CCDC178: variants seen among roughly 807,000 people sequenced by gnomAD.
CCDC178 encodes the protein coiled-coil domain containing 178.
CCDC178 carries 126 observed loss-of-function variants against 117.4 expected under a neutral mutation model. That is an observed-to-expected ratio of 1.07 (90% CI 0.93 to 1.24). The LOEUF (loss-of-function observed/expected upper bound fraction) is 1.24. CCDC178 is among the 50% of genes most tolerant of loss of function. The pLI is 0.00. For missense variants in CCDC178, 1,030 were observed against 986.9 expected, an observed-to-expected ratio of 1.04 and a Z score of -0.59; for synonymous variants, 283 against 313.4, an observed-to-expected ratio of 0.90 and a Z score of 1.02.
intron 20 of CCDC178, among the ~76,000 whole-genome samples, chr18:33,193,936 T>A (rs188357953): frequency 2.2e-4 from 33 of 152,278 alleles, no homozygotes; most frequent in Non-Finnish European, 3.7e-4. Flanking sequence ...CACTTGTGTG[T>A]CTGCATCATC....
chr18:33,047,688 A>G (rs1203839448), intron 21 of CCDC178, among the ~76,000 whole-genome samples: 1 of 152,210 alleles, frequency 6.6e-6, no homozygotes, highest in Non-Finnish European at 1.5e-5. Context: ...TATACACTAA[A>G]CAGCAAAGAA....
At chr18:32,999,006 A>G (rs750106317) in intron 21 of CCDC178, among the ~76,000 whole-genome samples, 69 of 152,234 alleles carry the variant, frequency 4.5e-4, no homozygotes, top group Non-Finnish European at 9.1e-4. Context: ...TCTTGGCCAC[A>G]GTAGAGTAGA....
At chr18:33,281,015 A>G (rs2060018722) in intron 12 of CCDC178, among the ~76,000 whole-genome samples, 1 of 152,068 alleles carries the variant, frequency 6.6e-6, no homozygotes, top group Admixed American at 6.5e-5. Context: ...TGACCAGTTA[A>G]TGGGTGCAGC....
intron 9 of CCDC178, among the ~76,000 whole-genome samples, chr18:33,340,535 A>G (rs780839129): frequency 6.6e-6 from 1 of 152,130 alleles, no homozygotes; most frequent in African/African-American, 2.4e-5. Flanking sequence ...TTCATGGCAG[A>G]CCCTCCCATC....
At chr18:33,344,664 CA>C (rs2062863264) in intron 9 of CCDC178, among the ~76,000 whole-genome samples, 1 of 152,010 alleles carries the variant, frequency 6.6e-6, no homozygotes, top group South Asian at 2.1e-4. Context: ...CTACTACTAA[CA>C]GGGAAGAACC....
intron 20 of CCDC178, among the ~76,000 whole-genome samples, chr18:33,206,816 C>G (rs1255685062): frequency 1.3e-5 from 2 of 152,130 alleles, no homozygotes; most frequent in Admixed American, 6.6e-5. Context: ...GTTTGTATAG[C>G]AAAGGTAATG....
At position 33,245,245 on chromosome 18, in the gene CCDC178, C is replaced by A. The variant is rs199513871; in HGVS notation, c.1593G>T (p.Lys531Asn). Residue 531 changes from lysine to asparagine, a missense_variant and splice_region_variant, in exon 15 of 23, where the codon AAG becomes AAT. Coordinates refer to ENST00000383096, the MANE Select transcript of CCDC178 (RefSeq NM_001105528.4). ...DKIAEVRRKF[K>N]GREEFLKKLT... Reference sequence around the variant, plus strand: ...TAAGAGGAACACAAAGATACACAACCTTGAACTTTCTTCTCACTTCTGCTA... The same window carrying A: ...TAAGAGGAACACAAAGATACACAACATTGAACTTTCTTCTCACTTCTGCTA... 1 of 1,579,320 alleles carries A rather than the reference C, an allele frequency of 6.3e-7. No individual in the cohort carries two copies.
intron 20 of CCDC178, among the ~76,000 whole-genome samples, chr18:33,202,878 A>G (rs935792348): frequency 1.3e-5 from 2 of 152,196 alleles, no homozygotes; most frequent in Non-Finnish European, 2.9e-5. Context: ...TCACATTACT[A>G]ATATAAAAGC....
intron 5 of CCDC178, among the ~76,000 whole-genome samples, chr18:33,371,853 A>G (rs565185718): frequency 6.6e-6 from 1 of 151,658 alleles, no homozygotes; most frequent in East Asian, 1.9e-4. Flanking sequence ...AGAACAATCT[A>G]GTAAAAATTG....
chr18:33,200,926 C>T (rs918737314), intron 20 of CCDC178, among the ~76,000 whole-genome samples: 1 of 152,198 alleles, frequency 6.6e-6, no homozygotes, highest in African/African-American at 2.4e-5. Context: ...TGAACAAATA[C>T]ATCGATGAAT....
At chr18:33,193,774 C>T (rs904110014) in intron 20 of CCDC178, among the ~76,000 whole-genome samples, 1 of 152,140 alleles carries the variant, frequency 6.6e-6, no homozygotes, top group Admixed American at 6.5e-5. Flanking sequence ...GGAGTATATT[C>T]ATTCATTTGC....
intron 22 of CCDC178, among the ~76,000 whole-genome samples, 155 bp downstream of exon 22, chr18:32,974,392 C>A (rs1371909616): frequency 1.3e-5 from 2 of 152,152 alleles, no homozygotes; most frequent in African/African-American, 2.4e-5. Flanking sequence ...TGCTAACTTA[C>A]TGAATTCATT....
chr18:33,127,253 A>T (rs904329421), intron 20 of CCDC178, among the ~76,000 whole-genome samples: 3 of 152,226 alleles, frequency 2.0e-5, no homozygotes, highest in African/African-American at 7.2e-5. Flanking sequence ...CTAAAATATT[A>T]GTGGAGATCA....
intron 20 of CCDC178, 52 bp downstream of exon 20, chr18:33,211,844 T>C: frequency 6.1e-6 from 9 of 1,467,734 alleles, no homozygotes; most frequent in Non-Finnish European, 8.3e-6. Flanking sequence ...AGCTGCTAAT[T>C]TGACTATCAC....
chr18:33,160,426 A>G (rs1326742926), intron 20 of CCDC178, among the ~76,000 whole-genome samples: 2 of 152,068 alleles, frequency 1.3e-5, no homozygotes, highest in Admixed American at 1.3e-4. Context: ...AACCACTACA[A>G]GTATTATTTA....
chr18:33,405,818 G>A (rs1429364569), intron 3 of CCDC178, among the ~76,000 whole-genome samples: 1 of 151,998 alleles, frequency 6.6e-6, no homozygotes, highest in Non-Finnish European at 1.5e-5. Flanking sequence ...TAATAGGCTG[G>A]AAGGCTTATG....
intron 21 of CCDC178, among the ~76,000 whole-genome samples, chr18:33,080,514 G>A (rs1033823001): frequency 6.6e-6 from 1 of 152,052 alleles, no homozygotes; most frequent in African/African-American, 2.4e-5. Context: ...TACAAGCAAT[G>A]TGGGGCTGGA....
At chr18:32,986,126 A>C (rs1265422252) in intron 21 of CCDC178, among the ~76,000 whole-genome samples, 1 of 152,094 alleles carries the variant, frequency 6.6e-6, no homozygotes, top group Non-Finnish European at 1.5e-5. Context: ...TGAAAAAAAG[A>C]GTTCACTAGA....
chr18:33,202,261 G>A (rs1044716861), intron 20 of CCDC178, among the ~76,000 whole-genome samples: 20 of 151,722 alleles, frequency 1.3e-4, no homozygotes, highest in African/African-American at 4.6e-4. Flanking sequence ...GCGTGGTGGT[G>A]CGCACCTGTA....
Sources: gnomAD v4.1 joint callset for allele counts (sites outside exome capture counted in the v4.1 genomes callset) on GRCh38, gnomAD v4.1.1 for gene constraint, MANE v1.5 for transcripts, NCBI Gene and HGNC (gene_info 2026-07-23, HGNC 2026-07-21) for gene names.